KATNAL2: variants seen among roughly 807,000 people sequenced by gnomAD.
The protein encoded by KATNAL2 is katanin catalytic subunit A1 like 2, also known as katanin p60 ATPase-containing subunit A-like 2.
In KATNAL2, 52 loss-of-function variants were observed where a neutral mutation model predicts 76.3. The ratio of observed to expected loss-of-function variants is 0.68; its 90% CI spans 0.55 to 0.86. The LOEUF is 0.86. KATNAL2 is among the 40% of genes least tolerant of loss of function. The pLI is 0.00. For synonymous variants in KATNAL2, 243 were observed against 244.2 expected, an observed-to-expected ratio of 1.00 and a Z score of 0.05; for missense variants, 660 against 668.9, an observed-to-expected ratio of 0.99 and a Z score of 0.15.
chr18:47,031,315 C>T (rs150974621), intron 3 of KATNAL2, among the ~76,000 whole-genome samples: 1 of 152,088 alleles, frequency 6.6e-6, no homozygotes, highest in Non-Finnish European at 1.5e-5. Flanking sequence ...ATGAGGAAAA[C>T]AGATCCATTT....
intron 15 of KATNAL2, among the ~76,000 whole-genome samples, chr18:47,080,587 G>A (rs886503569): frequency 2.0e-5 from 3 of 152,152 alleles, no homozygotes; most frequent in Non-Finnish European, 4.4e-5. Context: ...CTCTACGTTT[G>A]ATTAGTTGAG....
At chr18:47,099,025 G>T in intron 15 of KATNAL2, 4 of 395,754 alleles carry the variant, frequency 1.0e-5, no homozygotes, top group South Asian at 8.2e-5. Flanking sequence ...CTTCCTTTCT[G>T]CTTTCCTCTC....
At chr18:47,048,975 C>G (rs2061254567) in intron 4 of KATNAL2, among the ~76,000 whole-genome samples, 1 of 151,806 alleles carries the variant, frequency 6.6e-6, no homozygotes, top group African/African-American at 2.4e-5. Context: ...GCTGGGACTA[C>G]AGGCACCCGC....
chr18:47,082,685 T>C (rs2062585441), intron 15 of KATNAL2, among the ~76,000 whole-genome samples: 1 of 152,162 alleles, frequency 6.6e-6, no homozygotes, highest in Non-Finnish European at 1.5e-5. Flanking sequence ...AGCCACCTAA[T>C]GATAGGCATT....
chr18:46,934,378 T>C (rs2059026863), intron 1 of KATNAL2, among the ~76,000 whole-genome samples: 1 of 152,240 alleles, frequency 6.6e-6, no homozygotes, highest in Admixed American at 6.5e-5. Flanking sequence ...TGGTTTTGAT[T>C]TGCATTTCTC....
intron 3 of KATNAL2, chr18:47,035,611 C>T: frequency 2.0e-6 from 1 of 497,678 alleles, no homozygotes; most frequent in Non-Finnish European, 3.8e-6. Flanking sequence ...GGCTCTAGCC[C>T]TGACCCTCTT....
chr18:47,032,823 G>A, intron 3 of KATNAL2: 2 of 1,146,644 alleles, frequency 1.7e-6, no homozygotes, highest in Non-Finnish European at 1.2e-6. Context: ...CTGGGAGGTA[G>A]TGGCTGGGTG....
chr18:47,093,973 A>G (rs567722773), intron 15 of KATNAL2, among the ~76,000 whole-genome samples: 1 of 152,226 alleles, frequency 6.6e-6, no homozygotes, highest in South Asian at 2.1e-4. Context: ...CTGTAGTCTG[A>G]ATGTGTTCCT....
At chr18:46,955,140 CTCTTTCTTTCTT>C (rs71162828) in intron 3 of KATNAL2, among the ~76,000 whole-genome samples, 37 of 85,074 alleles carry the variant, frequency 4.3e-4, no homozygotes, top group African/African-American at 1.2e-3. Flanking sequence ...CTTTCTCTCT[CTCTTTCTTTCTT>C]TCTTTCTTTC....
At chr18:46,926,362 C>G (rs553623665) in intron 1 of KATNAL2, among the ~76,000 whole-genome samples, 2 of 152,094 alleles carry the variant, frequency 1.3e-5, no homozygotes, top group Non-Finnish European at 2.9e-5. Context: ...CATTCAGGAG[C>G]AGGTTGTTCA....
chr18:47,067,784 T>C (rs982909164), intron 11 of KATNAL2, among the ~76,000 whole-genome samples: 4 of 152,222 alleles, frequency 2.6e-5, no homozygotes, highest in Admixed American at 2.0e-4. Flanking sequence ...ACAATTTATT[T>C]GTTTGTAATT....
chr18:47,070,167 G>T (rs960030589), intron 13 of KATNAL2, among the ~76,000 whole-genome samples: 2 of 148,804 alleles, frequency 1.3e-5, no homozygotes, highest in African/African-American at 4.9e-5. Flanking sequence ...TGCGATCTTG[G>T]CTCACTGCAA....
At chr18:47,071,953 CTTTTTTT>C (rs574265545) in intron 13 of KATNAL2, among the ~76,000 whole-genome samples, 570 of 43,578 alleles carry the variant, frequency 0.013, no homozygotes, top group Non-Finnish European at 0.016. Flanking sequence ...CCAATTTCTT[CTTTTTTT>C]TTTTTTTTTT....
At chr18:46,957,322 C>T (rs1459125628) in intron 3 of KATNAL2, among the ~76,000 whole-genome samples, 1 of 143,358 alleles carries the variant, frequency 7.0e-6, no homozygotes, top group African/African-American at 2.6e-5. Flanking sequence ...GGCGCGGTCT[C>T]GGCTCACTGC....
intron 15 of KATNAL2, chr18:47,084,543 C>CA: frequency 1.6e-6 from 1 of 613,170 alleles, no homozygotes; most frequent in Non-Finnish European, 2.9e-6. Flanking sequence ...CAGGGTTGCT[C>CA]AATGTCTTTA....
At chr18:47,069,870 GA>G (rs559918290) in intron 13 of KATNAL2, among the ~76,000 whole-genome samples, 188 of 151,956 alleles carry the variant, frequency 1.2e-3, no homozygotes, top group African/African-American at 2.5e-3. Context: ...AAAGCTGGGG[GA>G]AAAAAATCTC....
intron 3 of KATNAL2, among the ~76,000 whole-genome samples, chr18:47,031,642 G>A (rs995756232): frequency 6.6e-6 from 1 of 152,154 alleles, no homozygotes; most frequent in African/African-American, 2.4e-5. Flanking sequence ...TTCAGAGCTA[G>A]AATGAGGATT....
At chr18:46,939,895 T>C (rs541853015) in intron 1 of KATNAL2, among the ~76,000 whole-genome samples, 2 of 152,240 alleles carry the variant, frequency 1.3e-5, no homozygotes, top group East Asian at 3.9e-4. Flanking sequence ...TCCAGTAAAA[T>C]ACACCCCCTT....
Position 47,101,029 on chromosome 18 carries a change from C to A in KATNAL2, c.*24C>A. On this transcript the variant is annotated 3_prime_UTR_variant, in exon 18 of 18. Transcript: ENST00000683218. ...GAAACCACATTTACCCTGACCTGGC[C>A]ACAAAGGCAACCACAAAGACCTCCT... 6.2e-7 allele frequency: 1 copy of A among 1,612,680 alleles called. No individual in the cohort carries two copies. Among genetic ancestry groups the A allele is most frequent in the Non-Finnish European group, 8.5e-7 (1 of 1,179,058 alleles).
Sources: gnomAD v4.1 joint callset for allele counts (sites outside exome capture counted in the v4.1 genomes callset) on GRCh38, gnomAD v4.1.1 for gene constraint, MANE v1.5 for transcripts, NCBI Gene and HGNC (gene_info 2026-07-23, HGNC 2026-07-21) for gene names.